The following CACNB2 variants were observed in gnomAD, a reference collection of about 807,000 sequenced individuals.
CACNB2 encodes calcium voltage-gated channel auxiliary subunit beta 2, also known as voltage-dependent L-type calcium channel subunit beta-2.
A neutral mutation model predicts 73.3 loss-of-function variants in CACNB2; 42 were observed. That is an observed-to-expected ratio of 0.57 (90% CI 0.45 to 0.74). The LOEUF (loss-of-function observed/expected upper bound fraction) is 0.74, where lower values mean the gene tolerates loss of function less well. Among genes scored for constraint, CACNB2 ranks in the 30% least tolerant of loss-of-function variants. The pLI is 0.00. For synonymous variants in CACNB2, 348 were observed against 310.3 expected, an observed-to-expected ratio of 1.12 and a Z score of -1.28; for missense variants, 940 against 853.0, an observed-to-expected ratio of 1.10 and a Z score of -1.27.
intron 2 of CACNB2, among the ~76,000 whole-genome samples, chr10:18,185,830 T>C (rs994000583): frequency 2.0e-5 from 3 of 152,104 alleles, no homozygotes; most frequent in Non-Finnish European, 4.4e-5. Flanking sequence ...GCTTGGGATA[T>C]GGTAGAGAAC....
At chr10:18,211,802 C>T (rs752631854) in intron 2 of CACNB2, among the ~76,000 whole-genome samples, 5 of 152,016 alleles carry the variant, frequency 3.3e-5, no homozygotes, top group East Asian at 1.9e-4. Context: ...TATTCCGTGG[C>T]GTGAATGCGA....
intron 3 of CACNB2, among the ~76,000 whole-genome samples, chr10:18,462,190 T>C (rs1443701496): frequency 6.6e-6 from 1 of 152,196 alleles, no homozygotes; most frequent in Non-Finnish European, 1.5e-5. Context: ...TAAGAAATTA[T>C]TAAGCTGTCT....
At chr10:18,268,620 C>T (rs542541854) in intron 2 of CACNB2, among the ~76,000 whole-genome samples, 2 of 152,222 alleles carry the variant, frequency 1.3e-5, no homozygotes, top group African/African-American at 4.8e-5. Context: ...TACCAGTATA[C>T]GAACAGCACA....
intron 2 of CACNB2, among the ~76,000 whole-genome samples, chr10:18,211,965 C>T (rs974689332): frequency 6.6e-6 from 1 of 152,006 alleles, no homozygotes; most frequent in Non-Finnish European, 1.5e-5. Flanking sequence ...AGTGCTTTCT[C>T]AATCTTTTCT....
chr10:18,467,997 T>G (rs1460797904), intron 3 of CACNB2, among the ~76,000 whole-genome samples: 1 of 152,214 alleles, frequency 6.6e-6, no homozygotes, highest in East Asian at 1.9e-4. Flanking sequence ...AAGAAATGAA[T>G]GAATTCACAA....
intron 2 of CACNB2, among the ~76,000 whole-genome samples, chr10:18,258,826 A>T (rs2037399107): frequency 6.6e-6 from 1 of 152,140 alleles, no homozygotes; most frequent in Non-Finnish European, 1.5e-5. Context: ...AAGTTTCTTT[A>T]AAAAATCAAA....
intron 2 of CACNB2, among the ~76,000 whole-genome samples, chr10:18,386,269 T>C (rs970467220): frequency 6.6e-6 from 1 of 152,140 alleles, no homozygotes; most frequent in Admixed American, 6.6e-5. Flanking sequence ...TAGTGGGTTG[T>C]TGGTGTTTTT....
At chr10:18,532,894 TG>T (rs2053205141) in intron 10 of CACNB2, 1 of 152,010 alleles carries the variant, frequency 6.6e-6, no homozygotes, top group African/African-American at 2.4e-5. Flanking sequence ...GTAACTTGAC[TG>T]GGATTCAGTG....
intron 2 of CACNB2, among the ~76,000 whole-genome samples, chr10:18,277,793 A>T (rs1029593129): frequency 2.0e-5 from 3 of 152,228 alleles, no homozygotes; most frequent in Non-Finnish European, 2.9e-5. Flanking sequence ...CAAGGAAATC[A>T]TAGTCTGGCA....
At position 18,222,407 on chromosome 10, in the gene CACNB2, T is replaced by TAC. The variant is rs59165053; in HGVS notation, c.213+71454_213+71455dup. Among the ~76,000 whole-genome samples the TAC allele has an allele frequency of 6.8e-3, 1,023 of 149,896 alleles. 12 individuals carry two copies. Among genetic ancestry groups the TAC allele is most frequent in the African/African-American group, 0.022 (899 of 40,892 alleles). On this transcript the variant is annotated intron_variant, in intron 2 of 13. Coordinates refer to ENST00000324631, the MANE Select transcript of CACNB2 (RefSeq NM_201596.3). ...ACAAATGATTGAAAACACACACACA[T>TAC]ACACACACACACACACACACACAAA... is the stretch of plus-strand genomic sequence containing the variant.
chr10:18,148,846 A>G (rs971536253), intron 1 of CACNB2, among the ~76,000 whole-genome samples: 7 of 151,944 alleles, frequency 4.6e-5, no homozygotes, highest in Non-Finnish European at 1.0e-4. Flanking sequence ...AACAAAAATT[A>G]GCCAAGCACG....
intron 3 of CACNB2, among the ~76,000 whole-genome samples, chr10:18,448,511 A>G (rs1486657613): frequency 6.6e-6 from 1 of 151,442 alleles, no homozygotes; most frequent in African/African-American, 2.4e-5. Context: ...AGAAAAGAAA[A>G]GAAAGAAAGG....
At chr10:18,316,793 C>T (rs1413976950) in intron 2 of CACNB2, among the ~76,000 whole-genome samples, 1 of 152,132 alleles carries the variant, frequency 6.6e-6, no homozygotes, top group Non-Finnish European at 1.5e-5. Context: ...CTCAATAAGC[C>T]TATAAGAATA....
At chr10:18,396,863 T>C (rs2043738939) in intron 2 of CACNB2, among the ~76,000 whole-genome samples, 1 of 152,220 alleles carries the variant, frequency 6.6e-6, no homozygotes, top group South Asian at 2.1e-4. Context: ...GGAGGTGGTC[T>C]AAAATCTTGA....
intron 2 of CACNB2, among the ~76,000 whole-genome samples, chr10:18,190,489 A>G (rs1242319896): frequency 6.6e-6 from 1 of 152,362 alleles, no homozygotes; most frequent in Admixed American, 6.5e-5. Context: ...AATTGCTTCA[A>G]ACAAGAATTG....
intron 2 of CACNB2, among the ~76,000 whole-genome samples, chr10:18,259,134 T>C (rs1409436265): frequency 6.6e-6 from 1 of 152,222 alleles, no homozygotes; most frequent in African/African-American, 2.4e-5. Context: ...CTATTGCTTA[T>C]ATTACTGATA....
chr10:18,284,943 C>G (rs1446707833), intron 2 of CACNB2, among the ~76,000 whole-genome samples: 6 of 152,100 alleles, frequency 3.9e-5, no homozygotes, highest in African/African-American at 1.4e-4. Context: ...TTTTACTTAT[C>G]CAAGACGAAC....
At chr10:18,309,062 C>A (rs2039857537) in intron 2 of CACNB2, among the ~76,000 whole-genome samples, 4 of 151,954 alleles carry the variant, frequency 2.6e-5, no homozygotes, top group Admixed American at 2.6e-4. Context: ...CTCGTCGTTA[C>A]CAATTTTTTC....
intron 2 of CACNB2, among the ~76,000 whole-genome samples, chr10:18,319,612 T>A (rs890185864): frequency 6.6e-6 from 1 of 151,984 alleles, no homozygotes; most frequent in Admixed American, 6.6e-5. Context: ...CTTAATATTT[T>A]AAAAAATAAT....
Sources: allele counts gnomAD v4.1 joint callset (sites outside exome capture counted in the v4.1 genomes callset), GRCh38; gene constraint gnomAD v4.1.1; transcripts MANE v1.5; gene names NCBI Gene and HGNC (gene_info 2026-07-23, HGNC 2026-07-21).